The following TOP6BL variants were observed in gnomAD, a reference collection of about 807,000 sequenced individuals.
The protein encoded by TOP6BL is TOP6B like initiator of meiotic double strand breaks.
the TOP6BL span, among the ~76,000 whole-genome samples, chr11:66,792,059 C>T: frequency 6.6e-6 from 1 of 152,138 alleles, no homozygotes; most frequent in South Asian, 2.1e-4. Flanking sequence ...ATCCGCCTGC[C>T]TCGGCTTCCT....
At chr11:66,801,218 T>C in the TOP6BL span, 3 of 1,068,840 alleles carry the variant, frequency 2.8e-6, no homozygotes, top group African/African-American at 3.2e-5. Context: ...GGTGTCAGCT[T>C]CTCTATAAGA....
chr11:66,796,660 G>A, the TOP6BL span, among the ~76,000 whole-genome samples: 1 of 151,804 alleles, frequency 6.6e-6, no homozygotes, highest in Non-Finnish European at 1.5e-5. Context: ...GTGAGCTCCT[G>A]TAATCCCAGT....
the TOP6BL span, among the ~76,000 whole-genome samples, chr11:66,768,214 A>T: frequency 6.6e-6 from 1 of 151,550 alleles, no homozygotes; most frequent in Non-Finnish European, 1.5e-5. Flanking sequence ...TGAGTAAGAA[A>T]CTCACAATGG....
chr11:66,787,362 G>A, the TOP6BL span, among the ~76,000 whole-genome samples: 1 of 151,716 alleles, frequency 6.6e-6, no homozygotes, highest in African/African-American at 2.4e-5. Context: ...TTTAATCATC[G>A]TTAGGTTTTT....
At chr11:66,795,667 A>G in the TOP6BL span, among the ~76,000 whole-genome samples, 2 of 150,584 alleles carry the variant, frequency 1.3e-5, no homozygotes, top group Admixed American at 6.6e-5. Flanking sequence ...TTTTATCCCT[A>G]TTTTGCAGAT....
chr11:66,828,167 G>A, the TOP6BL span: 1 of 743,968 alleles, frequency 1.3e-6, no homozygotes, highest in Non-Finnish European at 2.3e-6. Context: ...CTTGCCTACT[G>A]TCTGCCTCCT....
At chr11:66,821,729 G>C in the TOP6BL span, 5 of 1,613,352 alleles carry the variant, frequency 3.1e-6, no homozygotes, top group Admixed American at 6.7e-5. Context: ...ATTCACTGTG[G>C]ACAAGGTCTT....
At chr11:66,825,886 G>A in the TOP6BL span, among the ~76,000 whole-genome samples, 13 of 151,448 alleles carry the variant, frequency 8.6e-5, no homozygotes, top group African/African-American at 3.2e-4. Flanking sequence ...CTGTCGCCCA[G>A]GCTGGAGTGC....
At chr11:66,746,253 G>C in the TOP6BL span, among the ~76,000 whole-genome samples, 3 of 152,150 alleles carry the variant, frequency 2.0e-5, no homozygotes, top group South Asian at 2.1e-4. Context: ...AATTTTCCTT[G>C]TGTTGCCTCC....
chr11:66,819,784 T>A, the TOP6BL span, among the ~76,000 whole-genome samples: 3 of 151,524 alleles, frequency 2.0e-5, no homozygotes, highest in African/African-American at 7.3e-5. Context: ...GCGCCTGTAA[T>A]CCCAGCTACT....
chr11:66,751,066 A>T, the TOP6BL span, among the ~76,000 whole-genome samples: 1 of 151,426 alleles, frequency 6.6e-6, no homozygotes, highest in Non-Finnish European at 1.5e-5. Flanking sequence ...CCCAGGCTGG[A>T]CTGCAGTGGT....
At chr11:66,750,825 G>C in the TOP6BL span, among the ~76,000 whole-genome samples, 1 of 151,602 alleles carries the variant, frequency 6.6e-6, no homozygotes, top group Non-Finnish European at 1.5e-5. Flanking sequence ...TCAGCCTCCT[G>C]AGTAGCTAGG....
chr11:66,823,436 T>C, the TOP6BL span, among the ~76,000 whole-genome samples: 1 of 152,198 alleles, frequency 6.6e-6, no homozygotes, highest in African/African-American at 2.4e-5. Context: ...TTAAGAAATA[T>C]TTGTTGGAAT....
the TOP6BL span, chr11:66,839,292 A>C: frequency 2.4e-6 from 1 of 424,598 alleles, no homozygotes; most frequent in Non-Finnish European, 4.7e-6. Context: ...ATTAACTCTC[A>C]TTTTGCATAT....
the TOP6BL span, among the ~76,000 whole-genome samples, chr11:66,768,918 A>G: frequency 1.5e-4 from 23 of 152,324 alleles, no homozygotes; most frequent in South Asian, 1.9e-3. Context: ...GCTGAGTGGT[A>G]CATAACTGCT....
the TOP6BL span, among the ~76,000 whole-genome samples, chr11:66,835,399 C>T: frequency 6.6e-6 from 1 of 152,120 alleles, no homozygotes. Context: ...TTTTAGTAAA[C>T]AATATATGAT....
At chr11:66,812,568 C>T in the TOP6BL span, among the ~76,000 whole-genome samples, 8 of 152,136 alleles carry the variant, frequency 5.3e-5, no homozygotes, top group Admixed American at 5.2e-4. Flanking sequence ...AGGGAGACTT[C>T]ATTTATGGGT....
At chr11:66,766,049 A>T in the TOP6BL span, among the ~76,000 whole-genome samples, 1 of 152,236 alleles carries the variant, frequency 6.6e-6, no homozygotes, top group African/African-American at 2.4e-5. Flanking sequence ...AGTCTCTGGC[A>T]GCTGGATTCA....
At chr11:66,787,551 C>CA in the TOP6BL span, among the ~76,000 whole-genome samples, 1,654 of 92,084 alleles carry the variant, frequency 0.018, 38 homozygotes, top group African/African-American at 0.05. Flanking sequence ...ATTAAAAATA[C>CA]AAAAAAAAAA....
Sources: gnomAD v4.1 joint callset for allele counts (sites outside exome capture counted in the v4.1 genomes callset) on GRCh38, gnomAD v4.1.1 for gene constraint, MANE v1.5 for transcripts, NCBI Gene and HGNC (gene_info 2026-07-23, HGNC 2026-07-21) for gene names.